IL34: variants seen among roughly 807,000 people sequenced by gnomAD.
The protein encoded by IL34 is interleukin 34, also known as interleukin-34.
Under a neutral mutation model 25.3 loss-of-function variants are expected in IL34, and 17 were observed. The observed-to-expected ratio is 0.67, with a 90% CI of 0.46 to 1.01. The LOEUF (loss-of-function observed/expected upper bound fraction) is 1.01, where lower values mean the gene tolerates loss of function less well. IL34 is among the 50% of genes least tolerant of loss of function. IL34 has a pLI of 0.00. For missense variants in IL34, 368 were observed against 312.9 expected (o/e 1.18, Z -1.33); for synonymous variants, 174 against 140.9 (o/e 1.23, Z -1.66).
intron 1 of IL34, among the ~76,000 whole-genome samples, chr16:70,636,086 T>G (rs972994383): frequency 2.0e-5 from 3 of 152,072 alleles, no homozygotes; most frequent in Middle Eastern, 3.4e-3. Context: ...TTGCCCAGGT[T>G]GGAGTGCAGT....
At chr16:70,588,104 G>C (rs570331325) in intron 1 of IL34, among the ~76,000 whole-genome samples, 7 of 152,302 alleles carry the variant, frequency 4.6e-5, no homozygotes, top group African/African-American at 1.7e-4. Flanking sequence ...AGCACAGTTG[G>C]TGGGGATGTT....
chr16:70,592,326 C>T (rs1310342133), intron 1 of IL34, among the ~76,000 whole-genome samples: 3 of 152,090 alleles, frequency 2.0e-5, no homozygotes, highest in Non-Finnish European at 4.4e-5. Flanking sequence ...CGTTCTTCTC[C>T]CCAGTGCACC....
chr16:70,656,788 TCTC>T, intron 3 of IL34, 109 bp downstream of exon 3: 3 of 977,642 alleles, frequency 3.1e-6, no homozygotes, highest in Admixed American at 1.7e-5. Flanking sequence ...GCCTGGGGCC[TCTC>T]CTCAGCCCCG....
intron 1 of IL34, among the ~76,000 whole-genome samples, chr16:70,651,188 G>T (rs576817021): frequency 1.3e-5 from 2 of 152,100 alleles, no homozygotes; most frequent in South Asian, 2.1e-4. Flanking sequence ...TGATGGGGGG[G>T]AGAGAAGAGT....
chr16:70,646,786 C>A lies in IL34; in HGVS notation c.-162C>A, dbSNP rs1214371218. On this transcript the variant is annotated 5_prime_UTR_variant, in exon 1 of 6. Coordinates refer to ENST00000288098, the MANE Select transcript of IL34 (RefSeq NM_001393494.1). ...ATAAGGGCAGCTGCTGCCCTTGGGG[C>A]ACCTGCTCACTCCCGCAGCCCAGCC... 3 of 608,930 alleles carry A rather than the reference C, an allele frequency of 4.9e-6. No individual in the cohort carries two copies. Among genetic ancestry groups the A allele is most frequent in the Non-Finnish European group, 8.1e-6 (3 of 372,028 alleles). 37.7% of individuals were successfully genotyped at this position (608,930 alleles called of 1,614,324 possible).
rs183728286 is a variant in IL34, at chr16:70,659,871, A to C, written c.538+118A>C. 1.2e-3 allele frequency: 1,737 copies of C among 1,487,538 alleles called. 23 individuals carry two copies. In the African/African-American group the frequency reaches 0.02, roughly 17 times the overall value. The allele number at this position is 1,487,538 out of a possible 1,614,324, so 92.1% of individuals were successfully genotyped here. On this transcript the variant is annotated intron_variant, in intron 5 of 5. Coordinates refer to ENST00000288098, the MANE Select transcript of IL34 (RefSeq NM_001393494.1). The stretch of plus-strand genomic sequence containing the variant: ...ATATCCTCTGCTCCCCGGGGCTACA[A>C]GCCATTTCTGGAAGCCAGGATGGGC...
chr16:70,600,735 T>C (rs2050902072), intron 1 of IL34, among the ~76,000 whole-genome samples: 1 of 152,210 alleles, frequency 6.6e-6, no homozygotes, highest in Admixed American at 6.5e-5. Context: ...AATATGTTGG[T>C]AGCTGTTTCT....
At chr16:70,643,619 C>T (rs1039941703), upstream of IL34, among the ~76,000 whole-genome samples, 10 of 152,252 alleles carry the variant, frequency 6.6e-5, no homozygotes, top group African/African-American at 2.4e-4. Flanking sequence ...AAGCGATCCC[C>T]CGGCCTTGGC....
At chr16:70,614,499 C>G (rs1276825874) in intron 1 of IL34, among the ~76,000 whole-genome samples, 1 of 152,212 alleles carries the variant, frequency 6.6e-6, no homozygotes, top group Non-Finnish European at 1.5e-5. Context: ...AGCATGGAAG[C>G]TCAGATTCAA....
At chr16:70,594,744 G>T (rs2151811347) in intron 1 of IL34, among the ~76,000 whole-genome samples, 1 of 152,218 alleles carries the variant, frequency 6.6e-6, no homozygotes, top group East Asian at 1.9e-4. Flanking sequence ...TCTAGGGGCA[G>T]GGCTGCTACT....
chr16:70,650,778 G>T (rs747830605), intron 1 of IL34, among the ~76,000 whole-genome samples: 1 of 152,204 alleles, frequency 6.6e-6, no homozygotes, highest in African/African-American at 2.4e-5. Flanking sequence ...TGGTTGAGCA[G>T]AGACTCTGGG....
chr16:70,646,794 C>T lies in IL34; in HGVS notation c.-154C>T. On this transcript the variant is annotated 5_prime_UTR_variant, in exon 1 of 6. Transcript: ENST00000288098. ...AGCTGCTGCCCTTGGGGCACCTGCT[C>T]ACTCCCGCAGCCCAGCCACTCCTCC... The T allele has an allele frequency of 7.7e-6, 5 of 652,138 alleles. No individual in the cohort carries two copies. Among genetic ancestry groups the T allele is most frequent in the East Asian group, 3.4e-5 (1 of 29,156 alleles). 40.4% of individuals were successfully genotyped at this position (652,138 alleles called of 1,614,324 possible).
At chr16:70,628,092 G>A (rs1369969783) in intron 1 of IL34, among the ~76,000 whole-genome samples, 1 of 152,178 alleles carries the variant, frequency 6.6e-6, no homozygotes, top group Non-Finnish European at 1.5e-5. Flanking sequence ...CTACATTGTT[G>A]CAACACTTGG....
intron 1 of IL34, among the ~76,000 whole-genome samples, chr16:70,639,299 G>A (rs548113303): frequency 1.3e-5 from 2 of 152,176 alleles, no homozygotes; most frequent in Non-Finnish European, 2.9e-5. Context: ...TGAGAAGCAG[G>A]CATTTGAAAA....
intron 1 of IL34, among the ~76,000 whole-genome samples, chr16:70,616,612 T>A (rs768302162): frequency 1.9e-4 from 29 of 152,148 alleles, no homozygotes; most frequent in Non-Finnish European, 2.8e-4. Flanking sequence ...TGGATTATCA[T>A]TAGTTCTTAT....
intron 5 of IL34, 33 bp downstream of exon 5, chr16:70,659,786 T>TG: frequency 6.3e-7 from 1 of 1,576,004 alleles, no homozygotes; most frequent in Non-Finnish European, 8.7e-7. Flanking sequence ...CGCCTGGGGG[T>TG]GGGAGGCCAG....
chr16:70,638,473 C>A (rs748030557), intron 1 of IL34, among the ~76,000 whole-genome samples: 7 of 152,182 alleles, frequency 4.6e-5, no homozygotes, highest in Admixed American at 2.0e-4. Flanking sequence ...AAGAAAAGAA[C>A]TGGAGTCATC....
chr16:70,630,851 G>T lies in IL34; in HGVS notation c.-400-15697G>T, dbSNP rs150737383. Among the ~76,000 whole-genome samples, 898 of 152,248 alleles carry T rather than the reference G, an allele frequency of 5.9e-3. 8 individuals carry two copies. The highest frequency in any genetic ancestry group is 0.017 in the Middle Eastern group (5 of 294). On this transcript the variant is annotated intron_variant, in intron 1 of 6. Coordinates refer to the IL34 transcript ENST00000429149. ...GTTTTCCAAAGTGTTGAGATTATAG[G>T]AGTGAGCCACCAAGCTCGGGTCACA... is the stretch of plus-strand genomic sequence containing the variant.
chr16:70,639,743 C>G (rs2051738118), intron 1 of IL34, among the ~76,000 whole-genome samples: 3 of 152,136 alleles, frequency 2.0e-5, no homozygotes, highest in Admixed American at 6.6e-5. Context: ...TGCTTGAGCC[C>G]AGGAGTTTGA....
Sources: gnomAD v4.1 joint callset for allele counts (sites outside exome capture counted in the v4.1 genomes callset) on GRCh38, gnomAD v4.1.1 for gene constraint, MANE v1.5 for transcripts, NCBI Gene and HGNC (gene_info 2026-07-23, HGNC 2026-07-21) for gene names.